DCC: variants seen among roughly 807,000 people sequenced by gnomAD.
The protein encoded by DCC is DCC netrin 1 receptor, also known as netrin receptor DCC.
DCC carries 58 observed loss-of-function variants against 172.5 expected under a neutral mutation model. The observed-to-expected ratio is 0.34, with a 90% CI of 0.27 to 0.42. DCC has a LOEUF of 0.42. Among genes scored for constraint, DCC ranks in the 10% least tolerant of loss-of-function variants. DCC has a pLI of 1.00. For synonymous variants in DCC, 709 were observed against 644.5 expected, an observed-to-expected ratio of 1.10 and a Z score of -1.52; for missense variants, 1,740 against 1,791.0, an observed-to-expected ratio of 0.97 and a Z score of 0.51.
At chr18:53,516,877 G>A (rs1304556643) in intron 27 of DCC, among the ~76,000 whole-genome samples, 2 of 142,694 alleles carry the variant, frequency 1.4e-5, no homozygotes, top group African/African-American at 5.9e-5. Context: ...AACCATTGTG[G>A]AAGTCAGTGT....
intron 8 of DCC, among the ~76,000 whole-genome samples, chr18:53,165,454 T>C (rs1038131665): frequency 2.0e-5 from 3 of 152,156 alleles, no homozygotes; most frequent in African/African-American, 7.2e-5. Flanking sequence ...ATGGAGCTTG[T>C]TATCCATGAG....
At chr18:53,446,968 C>T (rs775100188) in intron 22 of DCC, among the ~76,000 whole-genome samples, 1 of 152,124 alleles carries the variant, frequency 6.6e-6, no homozygotes, top group Non-Finnish European at 1.5e-5. Context: ...GTTCTCTCTA[C>T]AAATTTTGAA....
chr18:52,992,984 TAA>T (rs5824983), intron 5 of DCC, among the ~76,000 whole-genome samples: 67 of 131,082 alleles, frequency 5.1e-4, no homozygotes, highest in East Asian at 2.6e-3. Flanking sequence ...GTCTCAAATT[TAA>T]AAAAAAAAAA....
At chr18:52,896,576 T>C (rs774812327) in intron 2 of DCC, among the ~76,000 whole-genome samples, 10 of 152,244 alleles carry the variant, frequency 6.6e-5, no homozygotes, top group Non-Finnish European at 1.3e-4. Flanking sequence ...CAACACCATG[T>C]GAGTTTGAGG....
chr18:52,595,755 T>C (rs916316008), intron 1 of DCC, among the ~76,000 whole-genome samples: 5 of 152,166 alleles, frequency 3.3e-5, no homozygotes, highest in Admixed American at 6.5e-5. Context: ...TTTTTGTCAA[T>C]CCACACATTT....
intron 24 of DCC, among the ~76,000 whole-genome samples, chr18:53,464,573 T>C (rs1445970963): frequency 6.6e-6 from 1 of 151,958 alleles, no homozygotes; most frequent in Non-Finnish European, 1.5e-5. Context: ...GGAAAAAATC[T>C]TGTTTAACTT....
chr18:53,253,371 T>C (rs937067361), intron 12 of DCC, among the ~76,000 whole-genome samples: 2 of 152,048 alleles, frequency 1.3e-5, no homozygotes, highest in African/African-American at 2.4e-5. Flanking sequence ...GTTGTTATTA[T>C]CTCCATTTTG....
intron 12 of DCC, among the ~76,000 whole-genome samples, chr18:53,249,039 T>C (rs112222091): frequency 0.015 from 2,241 of 152,112 alleles, 50 homozygotes; most frequent in African/African-American, 0.05. Flanking sequence ...AGTTAGTCTG[T>C]ATTCCTTTCA....
At chr18:52,664,432 A>T (rs2035422100) in intron 1 of DCC, among the ~76,000 whole-genome samples, 1 of 149,800 alleles carries the variant, frequency 6.7e-6, no homozygotes, top group Non-Finnish European at 1.5e-5. Context: ...TCCATAAATC[A>T]GTTCAGTGGC....
intron 2 of DCC, among the ~76,000 whole-genome samples, chr18:52,817,366 TCACAAACTCTGAGAATATGATTTTAATG>T (rs2038319361): frequency 6.6e-6 from 1 of 152,142 alleles, no homozygotes; most frequent in Non-Finnish European, 1.5e-5. Flanking sequence ...TTATAGATAC[TCACAAACTCTGAGAATATGATTTTAATG>T]CCAGTCCTTC....
At chr18:52,979,552 A>T (rs74483937) in intron 5 of DCC, among the ~76,000 whole-genome samples, 2,115 of 152,282 alleles carry the variant, frequency 0.014, 54 homozygotes, top group African/African-American at 0.049. Flanking sequence ...TGTATTCGTC[A>T]AATTCAGTTA....
intron 8 of DCC, among the ~76,000 whole-genome samples, chr18:53,175,360 T>A (rs1452209147): frequency 1.3e-5 from 2 of 152,128 alleles, no homozygotes; most frequent in East Asian, 3.9e-4. Flanking sequence ...TAAAAGGTAT[T>A]CAGTTAGGAA....
rs1172568199 is a variant in DCC at position 52,380,656 on chromosome 18, C to T, written c.91+39778C>T. 2.0e-5 allele frequency among the ~76,000 whole-genome samples: 3 copies of T among 152,148 alleles called. No individual in the cohort carries two copies. In the East Asian group the frequency reaches 5.8e-4, roughly 29 times the overall value. ...TAGGTGATTTTATAAACTTTGTAGA[C>T]TGTCCTTGGGCCTCAGTTTCCATCA... On this transcript the variant is annotated intron_variant, in intron 1 of 28. Coordinates refer to ENST00000442544, the MANE Select transcript of DCC (RefSeq NM_005215.4).
At chr18:52,686,214 G>A (rs2035831921) in intron 1 of DCC, among the ~76,000 whole-genome samples, 1 of 151,864 alleles carries the variant, frequency 6.6e-6, no homozygotes, top group African/African-American at 2.4e-5. Context: ...TGATGGTCAG[G>A]GCACACTTAA....
intron 5 of DCC, among the ~76,000 whole-genome samples, chr18:52,982,592 C>T (rs1246666223): frequency 6.6e-6 from 1 of 152,042 alleles, no homozygotes; most frequent in African/African-American, 2.4e-5. Flanking sequence ...TGTTTAGAAT[C>T]ACCCCTGCCT....
chr18:53,504,720 A>C (rs2046148651), intron 27 of DCC, among the ~76,000 whole-genome samples: 1 of 152,204 alleles, frequency 6.6e-6, no homozygotes, highest in African/African-American at 2.4e-5. Context: ...TAGAAAATAA[A>C]TATTAATAGG....
At chr18:52,525,500 C>T (rs946747403) in intron 1 of DCC, among the ~76,000 whole-genome samples, 1 of 152,218 alleles carries the variant, frequency 6.6e-6, no homozygotes, top group African/African-American at 2.4e-5. Context: ...CATTCATTTA[C>T]ACAAAGTGGA....
intron 2 of DCC, among the ~76,000 whole-genome samples, chr18:52,828,999 ATT>A (rs1368689403): frequency 6.6e-6 from 1 of 152,192 alleles, no homozygotes; most frequent in African/African-American, 2.4e-5. Flanking sequence ...ATGAAATATG[ATT>A]TTGTTTGCTT....
intron 1 of DCC, among the ~76,000 whole-genome samples, chr18:52,641,246 C>A (rs889787517): frequency 6.6e-6 from 1 of 152,150 alleles, no homozygotes; most frequent in Non-Finnish European, 1.5e-5. Flanking sequence ...AACCTAAGAC[C>A]TGAAACTAAA....
Sources: gnomAD v4.1 joint callset for allele counts (sites outside exome capture counted in the v4.1 genomes callset) on GRCh38, gnomAD v4.1.1 for gene constraint, MANE v1.5 for transcripts, NCBI Gene and HGNC (gene_info 2026-07-23, HGNC 2026-07-21) for gene names.